FAT4: variants seen among roughly 807,000 people sequenced by gnomAD.
FAT4 encodes FAT atypical cadherin 4.
FAT4 carries 84 observed loss-of-function variants against 303.9 expected under a neutral mutation model. The ratio of observed to expected loss-of-function variants is 0.28; its 90% CI spans 0.23 to 0.33. FAT4 has a LOEUF of 0.33. FAT4 is among the 10% of genes least tolerant of loss of function. The pLI is 1.00. For synonymous variants in FAT4, 2,307 were observed against 2,298.8 expected (o/e 1.00, Z -0.10); for missense variants, 6,005 against 6,146.8 (o/e 0.98, Z 0.77).
chr4:125,433,057 G>A (rs1725333568), intron 7 of FAT4, among the ~76,000 whole-genome samples: 1 of 152,040 alleles, frequency 6.6e-6, no homozygotes, highest in African/African-American at 2.4e-5. Context: ...TTGGTACTAG[G>A]CCACGAGTAA....
rs555697521 is a variant in FAT4, at chr4:125,486,193, G to A, written c.12823-1152G>A. On this transcript the variant is annotated intron_variant, in intron 16 of 17. Coordinates refer to ENST00000394329, the MANE Select transcript of FAT4 (RefSeq NM_001291303.3). ...CCAGCTATAACCAAAGAAAGTTGCT[G>A]TTTTTACTGTGTGTCATGAGATGTT... Among the ~76,000 whole-genome samples, 4 of 145,702 alleles carry A rather than the reference G, an allele frequency of 2.7e-5. No individual in the cohort carries two copies. The South Asian group carries it at 8.6e-4, about 31-fold the overall frequency.
At chr4:125,339,445 C>G (rs979586982) in intron 2 of FAT4, among the ~76,000 whole-genome samples, 5 of 152,094 alleles carry the variant, frequency 3.3e-5, no homozygotes, top group African/African-American at 1.2e-4. Context: ...ATCCGCCTGC[C>G]TCGGCCTCCC....
rs577190618 is a variant in FAT4 at position 125,339,267 on chromosome 4, G to A, written c.5175+17681G>A. 2.3e-4 allele frequency among the ~76,000 whole-genome samples: 35 copies of A among 151,226 alleles called. No homozygotes were observed. The South Asian group carries it at 7.3e-3, about 32-fold the overall frequency. ...CAACCTCTGCCTCCCGGGTTCAAGC[G>A]ATTCTCCTGCCTCAGCCTCCCGGGT... is the stretch of plus-strand genomic sequence containing the variant. On this transcript the variant is annotated intron_variant, in intron 2 of 17. Transcript: ENST00000394329.
Position 125,320,332 on chromosome 4 carries a change from T to A in FAT4, c.3921T>A (p.Asp1307Glu). The A allele has an allele frequency of 6.2e-7, 1 of 1,612,914 alleles. No individual in the cohort carries two copies. Among genetic ancestry groups the A allele is most frequent in the Non-Finnish European group, 8.5e-7 (1 of 1,178,956 alleles). ...STCTLNIDIL[D>E]ENDNTPSFPK... ...GTACTTTAAATATTGATATTTTAGATGAAAATGACAATACCCCTTCTTTCC... is the reference window on the plus strand; with the variant it reads ...GTACTTTAAATATTGATATTTTAGAAGAAAATGACAATACCCCTTCTTTCC... Residue 1307 changes from aspartate (D) to glutamate (E), a missense_variant, in exon 2 of 18, where the codon GAT (aspartate) becomes GAA (glutamate). By Grantham distance (45) the Asp-to-Glu change is conservative (BLOSUM62 2). Transcript: ENST00000394329.
chr4:125,347,506 C>T (rs970015462), intron 2 of FAT4, among the ~76,000 whole-genome samples: 5 of 151,022 alleles, frequency 3.3e-5, no homozygotes, highest in African/African-American at 4.8e-5. Context: ...ACTTAACTAC[C>T]AACATTTGTT....
intron 7 of FAT4, among the ~76,000 whole-genome samples, chr4:125,417,570 A>G (rs1475622343): frequency 1.3e-5 from 2 of 152,162 alleles, no homozygotes; most frequent in African/African-American, 4.8e-5. Context: ...ATTCTGCCCA[A>G]TAGAGTTATG....
At chr4:125,398,232 A>G (rs1200439955) in intron 2 of FAT4, among the ~76,000 whole-genome samples, 4 of 152,158 alleles carry the variant, frequency 2.6e-5, no homozygotes, top group Non-Finnish European at 5.9e-5. Context: ...ACAAATAGAG[A>G]GTGCTGATAC....
intron 10 of FAT4, among the ~76,000 whole-genome samples, chr4:125,454,962 A>G (rs1361327731): frequency 6.6e-6 from 1 of 152,202 alleles, no homozygotes; most frequent in Non-Finnish European, 1.5e-5. Context: ...TTTTAAAAAG[A>G]CATGAAACCT....
At chr4:125,388,818 G>T (rs538847475) in intron 2 of FAT4, among the ~76,000 whole-genome samples, 1 of 152,242 alleles carries the variant, frequency 6.6e-6, no homozygotes, top group African/African-American at 2.4e-5. Context: ...AAAGCATTTT[G>T]TTTTAAGAAT....
At position 125,451,537 on chromosome 4, in the gene FAT4, G is replaced by A. The variant is rs757649049; in HGVS notation, c.10527G>A (p.Gly3509=). The change falls in exon 10 of 18, where the codon GGG becomes GGA. Residue 3509 remains glycine (G), a synonymous_variant. Transcript: ENST00000394329. ...CCCTGGAAGATATAAATGATAACGG[G>A]CCCATGCTGACTGTCAGTGAAGGAG... ...LVTLEDINDN[G]PMLTVSEGEV... The A allele has an allele frequency of 2.5e-5, 41 of 1,613,974 alleles. No individual in the cohort carries two copies. Among genetic ancestry groups the A allele is most frequent in the Non-Finnish European group, 3.2e-5 (38 of 1,180,024 alleles).
chr4:125,444,590 A>T (rs1206871550), intron 8 of FAT4, among the ~76,000 whole-genome samples: 1 of 152,140 alleles, frequency 6.6e-6, no homozygotes, highest in East Asian at 1.9e-4. Flanking sequence ...TAAAGGCCAC[A>T]CCATTTGCCT....
At chr4:125,401,410 T>A (rs1431719199) in intron 3 of FAT4, among the ~76,000 whole-genome samples, 2 of 152,020 alleles carry the variant, frequency 1.3e-5, no homozygotes. Context: ...GAAAATATTT[T>A]AAAAATTTTC....
intron 2 of FAT4, among the ~76,000 whole-genome samples, chr4:125,388,214 A>G (rs1733836895): frequency 6.6e-6 from 1 of 152,228 alleles, no homozygotes; most frequent in South Asian, 2.1e-4. Flanking sequence ...AGCCCAAAAA[A>G]GGCAAGGAGA....
At chr4:125,409,435 T>C (rs1220942313) in intron 5 of FAT4, among the ~76,000 whole-genome samples, 1 of 152,092 alleles carries the variant, frequency 6.6e-6, no homozygotes. Context: ...TTTGTATTTT[T>C]AGTAGAGACG....
At position 125,320,292 on chromosome 4, in the gene FAT4, C is replaced by T; in HGVS notation, c.3881C>T (p.Pro1294Leu). 1 of 1,613,948 alleles carries T rather than the reference C, an allele frequency of 6.2e-7. No homozygotes were observed. Among genetic ancestry groups the T allele is most frequent in the Non-Finnish European group, 8.5e-7 (1 of 1,179,824 alleles). ...VIQAVDSGTI[P>L]LNSTCTLNID... ...CAAGCAGTGGATTCAGGGACAATCCCCCTCAATTCAACGTGTACTTTAAAT... is the reference window on the plus strand; with the variant it reads ...CAAGCAGTGGATTCAGGGACAATCCTCCTCAATTCAACGTGTACTTTAAAT... The change falls in exon 2 of 18, where the codon CCC becomes CTC. Residue 1294 changes from proline (P) to leucine (L), a missense_variant. Coordinates refer to ENST00000394329, the MANE Select transcript of FAT4 (RefSeq NM_001291303.3).
intron 7 of FAT4, among the ~76,000 whole-genome samples, chr4:125,423,370 T>G (rs1026980980): frequency 6.6e-6 from 1 of 151,998 alleles, no homozygotes; most frequent in African/African-American, 2.4e-5. Context: ...GTGCCCCACA[T>G]CATAGTCACT....
chr4:125,395,317 T>C (rs1986721), intron 2 of FAT4, among the ~76,000 whole-genome samples: 65,770 of 151,978 alleles, frequency 0.43, 15,727 homozygotes, highest in Non-Finnish European at 0.56. Context: ...TTTTCTTTTT[T>C]ATTCTTTTTT....
At position 125,318,241 on chromosome 4, in the gene FAT4, G is replaced by A. The variant is rs774467641; in HGVS notation, c.1830G>A (p.Gly610=). 22 of 1,614,090 alleles carry A rather than the reference G, an allele frequency of 1.4e-5. No individual in the cohort carries two copies. Among genetic ancestry groups the A allele is most frequent in the Admixed American group, 1.7e-5 (1 of 60,010 alleles). ...TELLMLRATD[G]DLGDNGTVRF... The stretch of plus-strand genomic sequence containing the variant: ...TGTTGATGCTCAGGGCAACTGACGG[G>A]GACCTGGGTGACAACGGAACAGTGC... Residue 610 remains glycine, a synonymous_variant, in exon 2 of 18, where the codon GGG becomes GGA. Coordinates refer to ENST00000394329, the MANE Select transcript of FAT4 (RefSeq NM_001291303.3).
intron 2 of FAT4, among the ~76,000 whole-genome samples, chr4:125,391,404 A>G (rs189521662): frequency 5.3e-5 from 8 of 152,304 alleles, no homozygotes; most frequent in African/African-American, 1.9e-4. Flanking sequence ...CATCCTCAGC[A>G]AACTAACACA....
Sources: gnomAD v4.1 joint callset for allele counts (sites outside exome capture counted in the v4.1 genomes callset) on GRCh38, gnomAD v4.1.1 for gene constraint, MANE v1.5 for transcripts, NCBI Gene and HGNC (gene_info 2026-07-23, HGNC 2026-07-21) for gene names.